The following NRXN3 variants were observed in gnomAD, a reference collection of about 807,000 sequenced individuals.
NRXN3 encodes the protein neurexin 3, also known as neurexin III.
Under a neutral mutation model 137.6 loss-of-function variants are expected in NRXN3, and 32 were observed. The ratio of observed to expected loss-of-function variants is 0.23; its 90% CI spans 0.18 to 0.31. The LOEUF (loss-of-function observed/expected upper bound fraction) is 0.31. NRXN3 is among the 10% of genes least tolerant of loss of function. The pLI, the probability that NRXN3 is intolerant of heterozygous loss-of-function variation, is 1.00. For synonymous variants in NRXN3, 798 were observed against 784.5 expected (o/e 1.02, Z -0.29); for missense variants, 1,574 against 2,062.5 (o/e 0.76, Z 4.59).
At chr14:79,751,288 T>A (rs1433561577) in intron 19 of NRXN3, among the ~76,000 whole-genome samples, 5 of 152,194 alleles carry the variant, frequency 3.3e-5, no homozygotes, top group African/African-American at 1.2e-4. Flanking sequence ...GTCCTTCACA[T>A]CCCTTGTAAG....
intron 4 of NRXN3, among the ~76,000 whole-genome samples, chr14:78,537,041 A>G (rs1330433027): frequency 6.6e-6 from 1 of 152,176 alleles, no homozygotes; most frequent in Non-Finnish European, 1.5e-5. Context: ...AGTCTTTGCT[A>G]TTGTGAGTAG....
intron 19 of NRXN3, among the ~76,000 whole-genome samples, chr14:79,798,639 T>C (rs946418334): frequency 2.0e-5 from 3 of 152,180 alleles, no homozygotes; most frequent in African/African-American, 7.2e-5. Context: ...TAACTGTGCT[T>C]CCAAGGAGAT....
intron 15 of NRXN3, among the ~76,000 whole-genome samples, chr14:79,014,393 A>G (rs1449577790): frequency 6.6e-6 from 1 of 152,202 alleles, no homozygotes; most frequent in Non-Finnish European, 1.5e-5. Flanking sequence ...TTCACTTAGC[A>G]TAATAGCCTC....
At chr14:78,396,246 C>G (rs2091443618) in intron 4 of NRXN3, among the ~76,000 whole-genome samples, 1 of 151,944 alleles carries the variant, frequency 6.6e-6, no homozygotes, top group African/African-American at 2.4e-5. Flanking sequence ...GTGTGGAAAC[C>G]TTTATGTAAT....
intron 15 of NRXN3, among the ~76,000 whole-genome samples, chr14:79,384,780 A>G (rs1184822584): frequency 6.6e-6 from 1 of 152,190 alleles, no homozygotes; most frequent in African/African-American, 2.4e-5. Flanking sequence ...CACTGAGCCC[A>G]TGTCCTCATC....
chr14:79,314,918 T>A lies in NRXN3; in HGVS notation c.3263-152303T>A, dbSNP rs550248579. Among the ~76,000 whole-genome samples, 21 of 152,148 alleles carry A rather than the reference T, an allele frequency of 1.4e-4. No homozygotes were observed. The South Asian group carries it at 4.4e-3, about 32-fold the overall frequency. ...TCTACACTGAAAACCCATCTGTACA[T>A]CACCATCATCAAAGACCAAAAGTAG... On this transcript the variant is annotated intron_variant, in intron 15 of 20. Coordinates refer to ENST00000335750, the MANE Select transcript of NRXN3 (RefSeq NM_001330195.2).
At chr14:78,616,917 A>G (rs999690663) in intron 4 of NRXN3, among the ~76,000 whole-genome samples, 1 of 152,202 alleles carries the variant, frequency 6.6e-6, no homozygotes, top group Non-Finnish European at 1.5e-5. Flanking sequence ...TGAGTTCTCC[A>G]TGTGTTTGTA....
chr14:79,845,697 G>A (rs1474830620), intron 20 of NRXN3, among the ~76,000 whole-genome samples: 4 of 117,780 alleles, frequency 3.4e-5, no homozygotes, highest in Non-Finnish European at 5.2e-5. Flanking sequence ...ACGGAGACGG[G>A]GAGAGAGACG....
At chr14:79,604,257 T>C (rs221434) in intron 16 of NRXN3, among the ~76,000 whole-genome samples, 74,309 of 151,654 alleles carry the variant, frequency 0.49, 20,487 homozygotes, top group African/African-American at 0.75. Context: ...TTGTTTGAGA[T>C]GGAGTTTCAC....
chr14:79,149,612 C>T, intron 15 of NRXN3, among the ~76,000 whole-genome samples: 1 of 151,884 alleles, frequency 6.6e-6, no homozygotes, highest in Middle Eastern at 3.2e-3. Context: ...AACCCAAATG[C>T]CCATCAATGA....
chr14:78,382,931 G>C (rs996989905), intron 4 of NRXN3, among the ~76,000 whole-genome samples: 1 of 152,084 alleles, frequency 6.6e-6, no homozygotes, highest in Non-Finnish European at 1.5e-5. Context: ...TGGGGAGGAG[G>C]GGGGCAATCT....
chr14:79,533,700 T>A lies in NRXN3; in HGVS notation c.3444+66298T>A, dbSNP rs2097188635. 3.9e-5 allele frequency among the ~76,000 whole-genome samples: 6 copies of A among 152,196 alleles called. No homozygotes were observed. In the South Asian group the frequency reaches 1.2e-3, roughly 31 times the overall value. Reference sequence around the variant, plus strand: ...GTCTGGGGTAAGGTTCAAAATTGCATAAACTTCCTTGCCCCACAAATCACT... The same window carrying A: ...GTCTGGGGTAAGGTTCAAAATTGCAAAAACTTCCTTGCCCCACAAATCACT... On this transcript the variant is annotated intron_variant, in intron 16 of 20. Coordinates refer to ENST00000335750, the MANE Select transcript of NRXN3 (RefSeq NM_001330195.2).
At chr14:78,615,444 C>CA (rs11456993) in intron 4 of NRXN3, among the ~76,000 whole-genome samples, 46,058 of 120,796 alleles carry the variant, frequency 0.38, 8,373 homozygotes, top group African/African-American at 0.52. Context: ...ACTGAAAATA[C>CA]AAAAAAAAAA....
intron 4 of NRXN3, among the ~76,000 whole-genome samples, chr14:78,362,615 A>G (rs1053279903): frequency 3.9e-5 from 6 of 152,202 alleles, no homozygotes; most frequent in Non-Finnish European, 4.4e-5. Flanking sequence ...AGATATATCA[A>G]TAATTATTAA....
At chr14:78,452,395 A>T (rs2094572512) in intron 4 of NRXN3, among the ~76,000 whole-genome samples, 1 of 152,204 alleles carries the variant, frequency 6.6e-6, no homozygotes, top group Non-Finnish European at 1.5e-5. Context: ...TATTATTATC[A>T]CCATTAAACA....
rs538024731 is a variant in NRXN3 at position 79,428,350 on chromosome 14, A to G, written c.3263-38871A>G. Among the ~76,000 whole-genome samples, 9 of 152,110 alleles carry G rather than the reference A, an allele frequency of 5.9e-5. No homozygotes were observed. The South Asian group carries it at 1.9e-3, about 32-fold the overall frequency. On this transcript the variant is annotated intron_variant, in intron 15 of 20. Coordinates refer to ENST00000335750, the MANE Select transcript of NRXN3 (RefSeq NM_001330195.2). ...TTTTATTTTATTTTTTAATTAAAAAAATAATATTATCTTTTATTTGTCTTT... is the reference window on the plus strand; with the variant it reads ...TTTTATTTTATTTTTTAATTAAAAAGATAATATTATCTTTTATTTGTCTTT...
At chr14:78,336,555 G>A (rs551720469) in intron 4 of NRXN3, among the ~76,000 whole-genome samples, 46 of 152,176 alleles carry the variant, frequency 3.0e-4, no homozygotes, top group African/African-American at 9.4e-4. Context: ...ATTTATGGTC[G>A]AGAAGGGACT....
At chr14:79,747,947 A>G (rs563902827) in intron 19 of NRXN3, among the ~76,000 whole-genome samples, 3 of 152,198 alleles carry the variant, frequency 2.0e-5, no homozygotes, top group African/African-American at 7.2e-5. Context: ...TGAACTCTAA[A>G]TAAGACAACA....
In NRXN3 at chr14:79,082,618, A is replaced by G. The variant is rs551333965; in HGVS notation, c.3262+94477A>G. ...ACACATGAGAAACTAAGGCCAAGAG[A>G]TGTTAAATGGCTTGAACACAGAATG... On this transcript the variant is annotated intron_variant, in intron 15 of 20. Transcript: ENST00000335750. 5.6e-4 allele frequency among the ~76,000 whole-genome samples: 86 copies of G among 152,216 alleles called. 1 individual carries two copies. Among genetic ancestry groups the G allele is most frequent in the Middle Eastern group, 3.4e-3 (1 of 294 alleles).
Sources: allele counts gnomAD v4.1 joint callset (sites outside exome capture counted in the v4.1 genomes callset), GRCh38; gene constraint gnomAD v4.1.1; transcripts MANE v1.5; gene names NCBI Gene and HGNC (gene_info 2026-07-23, HGNC 2026-07-21).